The following DNAH9 variants were observed in gnomAD, a reference collection of about 807,000 sequenced individuals.
DNAH9 encodes dynein axonemal heavy chain 9.
In DNAH9, 345 loss-of-function variants were observed where a neutral mutation model predicts 471.6. The observed-to-expected ratio is 0.73, with a 90% CI of 0.67 to 0.80. The LOEUF is 0.80. Among genes scored for constraint, DNAH9 ranks in the 30% least tolerant of loss-of-function variants. DNAH9 has a pLI of 0.00. For synonymous variants in DNAH9, 2,093 were observed against 2,123.6 expected, an observed-to-expected ratio of 0.99 and a Z score of 0.40; for missense variants, 5,407 against 5,609.2, an observed-to-expected ratio of 0.96 and a Z score of 1.15.
At position 11,825,761 on chromosome 17, in the gene DNAH9, G is replaced by C. The variant is rs191354476; in HGVS notation, c.9246+2727G>C. Among the ~76,000 whole-genome samples the C allele has an allele frequency of 8.5e-5, 13 of 152,314 alleles. No homozygotes were observed. The East Asian group carries it at 2.1e-3, about 25-fold the overall frequency. On this transcript the variant is annotated intron_variant, in intron 48 of 68. Coordinates refer to ENST00000262442, the MANE Select transcript of DNAH9 (RefSeq NM_001372.4). ...GCACACACTCAAGAGAGGAATGCAG[G>C]CATGCTAAAAAGAACAAGCCACACC... is the stretch of plus-strand genomic sequence containing the variant.
chr17:11,892,033 A>T lies in DNAH9; in HGVS notation c.11283+86A>T. ...TGTTAAGAAACTTTCTTCTTTGAAC[A>T]TCACTTTCCACAGCATGTCCAGACT... On this transcript the variant is annotated intron_variant, in intron 58 of 68. Coordinates refer to ENST00000262442, the MANE Select transcript of DNAH9 (RefSeq NM_001372.4). This position sits in a 1 kb window ranked among gnomAD's most constrained non-coding sequence, Gnocchi z 4.3. 6.9e-7 allele frequency: 1 copy of T among 1,459,690 alleles called. No homozygotes were observed. The highest frequency in any genetic ancestry group is 9.4e-7 in the Non-Finnish European group (1 of 1,058,380). 90.4% of individuals were successfully genotyped at this position (1,459,690 alleles called of 1,614,324 possible).
chr17:11,780,387 C>G (rs1331467601), intron 38 of DNAH9, among the ~76,000 whole-genome samples: 1 of 152,202 alleles, frequency 6.6e-6, no homozygotes, highest in African/African-American at 2.4e-5. Flanking sequence ...ATTGAGGCCT[C>G]TCTTACAGCC....
rs575769024 is a variant in DNAH9, at chr17:11,911,387, A to C, written c.11749+5578A>C. 3.9e-5 allele frequency among the ~76,000 whole-genome samples: 6 copies of C among 152,224 alleles called. 1 individual carries two copies. In the South Asian group the frequency reaches 6.2e-4, roughly 16 times the overall value. On this transcript the variant is annotated intron_variant, in intron 61 of 68. Transcript: ENST00000262442. Reference sequence around the variant, plus strand: ...ACTATTATTTATATCACATTGATCTATGTATCTATCTGTATGCCAAATAAC... The same window carrying C: ...ACTATTATTTATATCACATTGATCTCTGTATCTATCTGTATGCCAAATAAC...
At chr17:11,907,839 C>T (rs565616457) in intron 61 of DNAH9, among the ~76,000 whole-genome samples, 2 of 152,290 alleles carry the variant, frequency 1.3e-5, no homozygotes, top group South Asian at 2.1e-4. Flanking sequence ...CCTTCCCAGG[C>T]CCTATGCTTT....
At chr17:11,755,540 G>A (rs547341776) in intron 33 of DNAH9, among the ~76,000 whole-genome samples, 3 of 152,046 alleles carry the variant, frequency 2.0e-5, no homozygotes, top group African/African-American at 7.2e-5. Flanking sequence ...CTTTCATGAG[G>A]TACTACTATA....
At chr17:11,793,738 T>C (rs901614850) in intron 42 of DNAH9, 74 bp downstream of exon 42, 4 of 1,224,398 alleles carry the variant, frequency 3.3e-6, no homozygotes, top group Non-Finnish European at 3.4e-6. Flanking sequence ...CACCCAATGA[T>C]AAAATCTAGC....
chr17:11,882,878 G>A (rs1003809432), intron 55 of DNAH9: 1 of 950,930 alleles, frequency 1.1e-6, no homozygotes, highest in African/African-American at 1.8e-5. Flanking sequence ...GCAAATCCTG[G>A]TCTTAAGGCA....
chr17:11,762,194 A>G (rs1182477080), intron 35 of DNAH9, among the ~76,000 whole-genome samples: 1 of 152,252 alleles, frequency 6.6e-6, no homozygotes, highest in Non-Finnish European at 1.5e-5. Context: ...CACAAATGCT[A>G]AAAAGTGAAT....
intron 15 of DNAH9, among the ~76,000 whole-genome samples, chr17:11,665,577 G>A (rs1349558785): frequency 6.6e-6 from 1 of 152,182 alleles, no homozygotes; most frequent in African/African-American, 2.4e-5. Flanking sequence ...TGGATAAACT[G>A]GGGTAAGGTA....
Position 11,854,039 on chromosome 17 carries a change from C to T in DNAH9, c.9544C>T (p.Pro3182Ser). 1 of 1,614,172 alleles carries T rather than the reference C, an allele frequency of 6.2e-7. No individual in the cohort carries two copies. Among genetic ancestry groups the T allele is most frequent in the South Asian group, 1.1e-5 (1 of 91,084 alleles). The change falls in exon 50 of 69, where the codon CCT becomes TCT. Residue 3182 changes from proline (P) to serine (S), a missense_variant. Physicochemically the swap from Pro to Ser is moderately conservative, Grantham distance 74 (BLOSUM62 -1). Transcript: ENST00000262442. ...AGAGCTGAAGTCATTTGGCTCTCCG[C>T]CTCTGGCCGTCAGCAATGTCAGCGC... is the stretch of plus-strand genomic sequence containing the variant. The part of the protein sequence containing the change: ...LTELKSFGSP[P>S]LAVSNVSAAV...
chr17:11,698,140 A>G (rs1277024622), intron 22 of DNAH9, among the ~76,000 whole-genome samples: 15 of 133,850 alleles, frequency 1.1e-4, no homozygotes, highest in African/African-American at 4.4e-4. Context: ...ATAATTATAT[A>G]TTAGTATTAT....
At chr17:11,657,841 A>G (rs1454760734) in intron 14 of DNAH9, among the ~76,000 whole-genome samples, 1 of 151,996 alleles carries the variant, frequency 6.6e-6, no homozygotes, top group African/African-American at 2.4e-5. Flanking sequence ...GATTAATTGT[A>G]TAAAATATTA....
At chr17:11,841,061 C>G (rs1323992625) in intron 49 of DNAH9, among the ~76,000 whole-genome samples, 1 of 152,172 alleles carries the variant, frequency 6.6e-6, no homozygotes, top group Admixed American at 6.5e-5. Flanking sequence ...GCTGTTCTTA[C>G]AGTTCTGAAC....
At chr17:11,664,299 G>A (rs888174652) in intron 14 of DNAH9, among the ~76,000 whole-genome samples, 1 of 151,854 alleles carries the variant, frequency 6.6e-6, no homozygotes, top group Non-Finnish European at 1.5e-5. Context: ...GTGAGAGAGA[G>A]AGAGAGAGAA....
At position 11,933,903 on chromosome 17, in the gene DNAH9, C is replaced by T; in HGVS notation, c.12321C>T (p.Tyr4107=). 6.2e-7 allele frequency: 1 copy of T among 1,613,060 alleles called. No homozygotes were observed. ...NAKVPYDDLR[Y]LFGEIMYGGH... ...AGGTCCCCTATGATGATTTGCGCTA[C>T]CTGTTTGGAGAGATCATGTATGGAG... The change falls in exon 65 of 69, where the codon TAC becomes TAT. Residue 4107 remains tyrosine, a synonymous_variant. Coordinates refer to ENST00000262442, the MANE Select transcript of DNAH9 (RefSeq NM_001372.4).
At chr17:11,698,061 T>C (rs2074506955) in intron 22 of DNAH9, among the ~76,000 whole-genome samples, 1 of 144,412 alleles carries the variant, frequency 6.9e-6, no homozygotes, top group Admixed American at 7.2e-5. Context: ...ATATATAAAA[T>C]TATATATAAT....
intron 33 of DNAH9, among the ~76,000 whole-genome samples, chr17:11,754,251 A>G (rs1967283119): frequency 6.6e-6 from 1 of 152,090 alleles, no homozygotes; most frequent in African/African-American, 2.4e-5. Context: ...GGTTGGTTCC[A>G]TGTCTTTGCC....
Position 11,744,914 on chromosome 17 carries a change from T to C in DNAH9, c.6229T>C (p.Phe2077Leu). Residue 2077 changes from phenylalanine to leucine, a missense_variant, in exon 31 of 69, where the codon TTC becomes CTC. This residue lies in a region of DNAH9 where 4,636 missense variants were observed against 4,900.3 expected (regional missense o/e 0.95). Coordinates refer to ENST00000262442, the MANE Select transcript of DNAH9 (RefSeq NM_001372.4). ...DQVLMRSLRD[F>L]NIPKIVTDDM... ...GGTCCTGATGCGCTCCTTGCGGGAT[T>C]TCAACATCCCCAAGATTGTGACTGA... 6.2e-7 allele frequency: 1 copy of C among 1,614,186 alleles called. No individual in the cohort carries two copies. Among genetic ancestry groups the C allele is most frequent in the South Asian group, 1.1e-5 (1 of 91,072 alleles).
At position 11,937,393 on chromosome 17, in the gene DNAH9, T is replaced by C; in HGVS notation, c.12531T>C (p.Tyr4177=). 2 of 1,614,002 alleles carry C rather than the reference T, an allele frequency of 1.2e-6. No homozygotes were observed. Among genetic ancestry groups the C allele is most frequent in the Non-Finnish European group, 1.7e-6 (2 of 1,179,918 alleles). ...TGCCCCCAGAATCCCCCTACCTCTA[T>C]GGCCTCCACCCGAACGCAGAGATTG... The part of the protein sequence containing the change: ...AELPPESPYL[Y]GLHPNAEIGF... Residue 4177 remains tyrosine (Y), a synonymous_variant, in exon 66 of 69, where the codon TAT becomes TAC. Coordinates refer to ENST00000262442, the MANE Select transcript of DNAH9 (RefSeq NM_001372.4). The surrounding 1 kb of genome is among the most constrained non-coding windows in gnomAD (Gnocchi z 4.1).
Sources: allele counts gnomAD v4.1 joint callset (sites outside exome capture counted in the v4.1 genomes callset), GRCh38; gene constraint gnomAD v4.1.1; regional missense constraint gnomAD v4.1.1; non-coding constraint Gnocchi (gnomAD v3.1); transcripts MANE v1.5; gene names NCBI Gene and HGNC (gene_info 2026-07-23, HGNC 2026-07-21).